The following PCDHA8 variants were observed in gnomAD, a reference collection of about 807,000 sequenced individuals.
PCDHA8 encodes the protein protocadherin alpha 8.
Under a neutral mutation model 61.8 loss-of-function variants are expected in PCDHA8, and 53 were observed. The observed-to-expected ratio is 0.86, with a 90% CI of 0.69 to 1.08. The LOEUF (loss-of-function observed/expected upper bound fraction) is 1.08, where lower values mean the gene tolerates loss of function less well. PCDHA8 is among the 50% of genes least tolerant of loss of function. PCDHA8 has a pLI of 0.00. For missense variants in PCDHA8, 1,293 were observed against 1,245.0 expected (o/e 1.04, Z -0.58); for synonymous variants, 618 against 556.6 (o/e 1.11, Z -1.55).
At chr5:140,992,950 C>T (rs1435932636) in intron 3 of PCDHA8, among the ~76,000 whole-genome samples, 1 of 152,216 alleles carries the variant, frequency 6.6e-6, no homozygotes, top group East Asian at 1.9e-4. Context: ...GAGATTAAAT[C>T]ACCCCTTATA....
chr5:140,968,083 G>A (rs1298667830), intron 1 of PCDHA8: 1 of 1,614,006 alleles, frequency 6.2e-7, no homozygotes, highest in Non-Finnish European at 8.5e-7. Flanking sequence ...ACATCACGGT[G>A]ACAGCCACAG....
intron 3 of PCDHA8, among the ~76,000 whole-genome samples, chr5:140,999,218 C>T (rs1410560466): frequency 6.6e-6 from 1 of 152,180 alleles, no homozygotes; most frequent in Non-Finnish European, 1.5e-5. Context: ...GGAAGTACTA[C>T]ATTTGAGAAT....
In PCDHA8 at chr5:140,886,687, A is replaced by G. The variant is rs553566283; in HGVS notation, c.2394+42972A>G. On this transcript the variant is annotated intron_variant, in intron 1 of 3. Coordinates refer to ENST00000531613, the MANE Select transcript of PCDHA8 (RefSeq NM_018911.3). The stretch of plus-strand genomic sequence containing the variant: ...CTAAAAATACAAAAATTAGCGAGGC[A>G]TGGTGGCACGCGCCTGTAATCCCAG... Among the ~76,000 whole-genome samples, 418 of 152,114 alleles carry G rather than the reference A, an allele frequency of 2.7e-3. 2 individuals are homozygous for G. Among genetic ancestry groups the G allele is most frequent in the Middle Eastern group, 0.014 (4 of 294 alleles).
chr5:140,949,537 C>T (rs1359504503), intron 1 of PCDHA8, among the ~76,000 whole-genome samples: 4 of 151,692 alleles, frequency 2.6e-5, no homozygotes, highest in African/African-American at 7.3e-5. Context: ...CATAAAATAT[C>T]GATTTGTTGC....
Position 140,875,195 on chromosome 5 carries a change from G to A in PCDHA8, c.2394+31480G>A, listed in dbSNP as rs1554167540. On this transcript the variant is annotated intron_variant, in intron 1 of 3. Transcript: ENST00000531613. ...AACATTAGAATTAAGAGTGACCCAG[G>A]AAGTGGCTAAACCGAAAAGAACCTC... is the stretch of plus-strand genomic sequence containing the variant. The A allele has an allele frequency of 1.5e-5, 8 of 526,354 alleles. No individual in the cohort carries two copies. The Admixed American group carries it at 1.6e-4, about 10-fold the overall frequency. 32.6% of individuals were successfully genotyped at this position (526,354 alleles called of 1,614,324 possible). A position where few individuals can be genotyped will look rare whatever the true frequency, so the allele number is the denominator to read the frequency against.
intron 1 of PCDHA8, chr5:140,855,836 AC>A (rs1444767908): frequency 1.7e-6 from 1 of 600,200 alleles, no homozygotes; most frequent in Non-Finnish European, 2.9e-6. Flanking sequence ...AATCGTACTT[AC>A]ACCTAAAGCC....
At position 140,945,942 on chromosome 5, in the gene PCDHA8, A is replaced by G. The variant is rs534164272; in HGVS notation, c.2395-33007A>G. 2.0e-5 allele frequency among the ~76,000 whole-genome samples: 3 copies of G among 152,196 alleles called. No individual in the cohort carries two copies. In the South Asian group the frequency reaches 6.2e-4, roughly 32 times the overall value. ...ACTGATCTGAGCAATGATGTTTTTT[A>G]TATGACCCTGAAAGCACAGGCAATA... On this transcript the variant is annotated intron_variant, in intron 1 of 3. Coordinates refer to ENST00000531613, the MANE Select transcript of PCDHA8 (RefSeq NM_018911.3).
intron 1 of PCDHA8, chr5:140,876,038 G>A (rs2153335869): frequency 6.2e-7 from 1 of 1,613,822 alleles, no homozygotes; most frequent in East Asian, 2.2e-5. Context: ...AAAGATAAAA[G>A]TATATTGCCT....
chr5:140,969,680 G>A (rs2096353475), intron 1 of PCDHA8, among the ~76,000 whole-genome samples: 1 of 152,204 alleles, frequency 6.6e-6, no homozygotes, highest in African/African-American at 2.4e-5. Context: ...TGAGACTCAA[G>A]GAGAAATGGC....
intron 1 of PCDHA8, chr5:140,968,408 A>G: frequency 6.2e-7 from 1 of 1,613,980 alleles, no homozygotes; most frequent in Non-Finnish European, 8.5e-7. Flanking sequence ...GTTCTTTGTG[A>G]CTGTGGAGGC....
At position 140,871,095 on chromosome 5, in the gene PCDHA8, GC is replaced by G; in HGVS notation, c.2394+27381del. On this transcript the variant is annotated intron_variant, in intron 1 of 3. Coordinates refer to ENST00000531613, the MANE Select transcript of PCDHA8 (RefSeq NM_018911.3). ...CGGCGCTGACGGCCACGGCCACCGT[GC>G]TGGTGTCGTTGGTGGAGAGCGGACA... The G allele has an allele frequency of 4.3e-6, 7 of 1,613,278 alleles. No individual in the cohort carries two copies. In the South Asian group the frequency reaches 5.5e-5, roughly 13 times the overall value.
rs377044316 is a variant in PCDHA8 at position 140,883,116 on chromosome 5, G to A, written c.2394+39401G>A. 14 of 1,613,818 alleles carry A rather than the reference G, an allele frequency of 8.7e-6. No homozygotes were observed. The African/African-American group carries it at 1.9e-4, about 22-fold the overall frequency. On this transcript the variant is annotated intron_variant, in intron 1 of 3. Coordinates refer to ENST00000531613, the MANE Select transcript of PCDHA8 (RefSeq NM_018911.3). ...GGAGATATAGTTTACTCATTTAGAAGGCCTGTATGGCCTGCAGTGGTATAT... is the reference window on the plus strand; with the variant it reads ...GGAGATATAGTTTACTCATTTAGAAAGCCTGTATGGCCTGCAGTGGTATAT...
chr5:140,954,842 T>C (rs1483926115), intron 1 of PCDHA8, among the ~76,000 whole-genome samples: 1 of 152,252 alleles, frequency 6.6e-6, no homozygotes, highest in Non-Finnish European at 1.5e-5. Flanking sequence ...ATGAAATCTT[T>C]GCCTGTGCCT....
intron 1 of PCDHA8, chr5:140,875,985 G>C (rs1351463699): frequency 1.8e-5 from 29 of 1,613,832 alleles, no homozygotes; most frequent in Non-Finnish European, 2.3e-5. Context: ...TGACCTATGC[G>C]TTAAGTCTAA....
chr5:140,890,879 A>C (rs1448155644), intron 1 of PCDHA8, among the ~76,000 whole-genome samples: 2 of 152,112 alleles, frequency 1.3e-5, no homozygotes, highest in Non-Finnish European at 2.9e-5. Flanking sequence ...CTGACCTTTC[A>C]TCAGGGATTA....
In PCDHA8 at chr5:140,969,065, A is replaced by G. The variant is rs1554231418; in HGVS notation, c.2395-9884A>G. 4.3e-6 allele frequency: 7 copies of G among 1,614,188 alleles called. No individual in the cohort carries two copies. The East Asian group carries it at 1.6e-4, about 36-fold the overall frequency. On this transcript the variant is annotated intron_variant, in intron 1 of 3. Coordinates refer to ENST00000531613, the MANE Select transcript of PCDHA8 (RefSeq NM_018911.3). ...ACAAGCCAACAACAATATTGATGCC[A>G]GGATACCGCATGGCCTCAAAGTGCA...
At chr5:140,953,227 G>A (rs269546) in intron 1 of PCDHA8, among the ~76,000 whole-genome samples, 34,007 of 151,960 alleles carry the variant, frequency 0.22, 4,902 homozygotes, top group African/African-American at 0.41. Flanking sequence ...GCTTCTGCTT[G>A]GTAGCAGTTC....
At chr5:140,938,876 A>AAC (rs142461507) in intron 1 of PCDHA8, among the ~76,000 whole-genome samples, 11 of 151,144 alleles carry the variant, frequency 7.3e-5, no homozygotes, top group South Asian at 2.1e-4. Context: ...GTTAAGAAGC[A>AAC]ACACACACAC....
intron 1 of PCDHA8, chr5:140,877,741 A>T: frequency 1.2e-6 from 2 of 1,614,182 alleles, no homozygotes; most frequent in Non-Finnish European, 1.7e-6. Flanking sequence ...GAGGAGGCAG[A>T]GGGTGTGCTC....
Sources: allele counts gnomAD v4.1 joint callset (sites outside exome capture counted in the v4.1 genomes callset), GRCh38; gene constraint gnomAD v4.1.1; transcripts MANE v1.5; gene names NCBI Gene and HGNC (gene_info 2026-07-23, HGNC 2026-07-21).